PIP5K1B: variants seen among roughly 807,000 people sequenced by gnomAD.
PIP5K1B encodes the protein phosphatidylinositol-4-phosphate 5-kinase type 1 beta.
In PIP5K1B, 42 loss-of-function variants were observed where a neutral mutation model predicts 67.0. That is an observed-to-expected ratio of 0.63 (90% CI 0.49 to 0.81). The LOEUF (loss-of-function observed/expected upper bound fraction) is 0.81. Ranked by LOEUF, PIP5K1B falls within the 30% of genes least tolerant of loss-of-function variation. The pLI is 0.00. For missense variants in PIP5K1B, 459 were observed against 646.3 expected (o/e 0.71, Z 3.14); for synonymous variants, 214 against 231.4 (o/e 0.92, Z 0.68).
chr9:68,962,329 A>G (rs1470918532), intron 14 of PIP5K1B, among the ~76,000 whole-genome samples: 3 of 152,198 alleles, frequency 2.0e-5, no homozygotes, highest in African/African-American at 4.8e-5. Context: ...TTCATATGCA[A>G]GTAGAAAAAT....
chr9:68,834,377 T>C (rs1385577727), intron 4 of PIP5K1B, among the ~76,000 whole-genome samples: 1 of 152,198 alleles, frequency 6.6e-6, no homozygotes, highest in Non-Finnish European at 1.5e-5. Context: ...AGGCAGTGGC[T>C]GTCAGTCACC....
intron 6 of PIP5K1B, 81 bp downstream of exon 6, chr9:68,876,875 T>A (rs1337607913): frequency 5.2e-6 from 4 of 762,572 alleles, no homozygotes; most frequent in Non-Finnish European, 4.7e-6. Flanking sequence ...ACAAGTGGCT[T>A]GTGTCTCTCA....
intron 14 of PIP5K1B, among the ~76,000 whole-genome samples, chr9:68,973,167 C>T (rs1275166988): frequency 2.0e-5 from 3 of 152,156 alleles, no homozygotes; most frequent in Admixed American, 1.3e-4. Context: ...CCTGCTCCCG[C>T]AACAGCTCAG....
At chr9:69,003,480 G>GAAA (rs1220209240) in intron 15 of PIP5K1B, among the ~76,000 whole-genome samples, 62,481 of 146,214 alleles carry the variant, frequency 0.43, 13,867 homozygotes, top group African/African-American at 0.53. Flanking sequence ...AAAAAAAAAG[G>GAAA]GGGGGGGATA....
chr9:69,000,077 C>T (rs1220999676), intron 15 of PIP5K1B, among the ~76,000 whole-genome samples: 1 of 152,158 alleles, frequency 6.6e-6, no homozygotes, highest in African/African-American at 2.4e-5. Context: ...GAAGGTGTTA[C>T]CTTCCCTCAG....
At chr9:68,715,327 A>T (rs943002390) in intron 1 of PIP5K1B, among the ~76,000 whole-genome samples, 1 of 152,044 alleles carries the variant, frequency 6.6e-6, no homozygotes, top group Non-Finnish European at 1.5e-5. Flanking sequence ...GGTCATTGAC[A>T]TGGTTCCAGA....
chr9:68,834,862 C>G (rs1834513565), intron 4 of PIP5K1B, among the ~76,000 whole-genome samples: 1 of 152,130 alleles, frequency 6.6e-6, no homozygotes, highest in Non-Finnish European at 1.5e-5. Flanking sequence ...CCTGAAGTCC[C>G]CTCATCTGTA....
intron 4 of PIP5K1B, among the ~76,000 whole-genome samples, chr9:68,835,478 T>G (rs961495476): frequency 5.3e-5 from 8 of 152,356 alleles, no homozygotes; most frequent in African/African-American, 1.9e-4. Flanking sequence ...GGTAATTGGC[T>G]GTACAAATAT....
chr9:68,780,321 G>A, intron 2 of PIP5K1B: 1 of 1,604,482 alleles, frequency 6.2e-7, no homozygotes, highest in Non-Finnish European at 8.5e-7. Context: ...GGTGTTCCAG[G>A]CCGAGGCGCC....
intron 1 of PIP5K1B, among the ~76,000 whole-genome samples, chr9:68,722,176 C>G (rs1209571342): frequency 1.3e-5 from 2 of 152,192 alleles, no homozygotes; most frequent in African/African-American, 4.8e-5. Flanking sequence ...TTTGTCTCCC[C>G]CAACCAAAAC....
At chr9:68,862,809 A>T (rs1823161325) in intron 4 of PIP5K1B, among the ~76,000 whole-genome samples, 1 of 105,562 alleles carries the variant, frequency 9.5e-6, no homozygotes, top group Admixed American at 1.0e-4. Flanking sequence ...AATAAAAAAT[A>T]AATAAATAAA....
At chr9:68,915,237 G>C (rs918485472) in intron 8 of PIP5K1B, among the ~76,000 whole-genome samples, 2 of 151,914 alleles carry the variant, frequency 1.3e-5, no homozygotes, top group Non-Finnish European at 2.9e-5. Context: ...AAGTCTCTCC[G>C]AGAAAGGAAG....
At chr9:68,886,946 G>A (rs1428465543) in intron 6 of PIP5K1B, among the ~76,000 whole-genome samples, 1 of 152,120 alleles carries the variant, frequency 6.6e-6, no homozygotes, top group Non-Finnish European at 1.5e-5. Flanking sequence ...TACAGCCACT[G>A]GCCTCTGCTG....
intron 6 of PIP5K1B, among the ~76,000 whole-genome samples, chr9:68,882,244 T>C (rs910787443): frequency 6.6e-6 from 1 of 152,194 alleles, no homozygotes; most frequent in Non-Finnish European, 1.5e-5. Context: ...TAAGAGGCAA[T>C]GTTGCAAAGA....
chr9:68,946,674 A>G (rs1422056258), intron 14 of PIP5K1B, among the ~76,000 whole-genome samples: 5 of 151,926 alleles, frequency 3.3e-5, no homozygotes, highest in Non-Finnish European at 7.4e-5. Flanking sequence ...GATTACAGGC[A>G]TGAGCCACCA....
chr9:68,880,913 G>A (rs116968640), intron 6 of PIP5K1B, among the ~76,000 whole-genome samples: 1,862 of 152,282 alleles, frequency 0.012, 15 homozygotes, highest in Non-Finnish European at 0.018. Flanking sequence ...CCTCCAAACC[G>A]CTCTATCTGG....
chr9:68,768,157 A>C (rs1023025161), intron 2 of PIP5K1B, among the ~76,000 whole-genome samples: 1 of 152,230 alleles, frequency 6.6e-6, no homozygotes, highest in Non-Finnish European at 1.5e-5. Flanking sequence ...CAGATATTTC[A>C]ATTGCACAGC....
chr9:68,972,104 G>C (rs1017709571), intron 14 of PIP5K1B, among the ~76,000 whole-genome samples: 1 of 152,158 alleles, frequency 6.6e-6, no homozygotes, highest in Non-Finnish European at 1.5e-5. Context: ...TTCTTCTAGG[G>C]TTTTTATTGT....
intron 13 of PIP5K1B, among the ~76,000 whole-genome samples, chr9:68,938,101 C>G (rs1211508641): frequency 1.3e-5 from 2 of 152,062 alleles, no homozygotes; most frequent in Non-Finnish European, 2.9e-5. Context: ...AGTACTGTAG[C>G]TGTCTATTAG....
Sources: gnomAD v4.1 joint callset for allele counts (sites outside exome capture counted in the v4.1 genomes callset) on GRCh38, gnomAD v4.1.1 for gene constraint, MANE v1.5 for transcripts, NCBI Gene and HGNC (gene_info 2026-07-23, HGNC 2026-07-21) for gene names.